SLC7A1: variants seen among roughly 807,000 people sequenced by gnomAD.
SLC7A1 encodes the protein high affinity cationic amino acid transporter 1.
In SLC7A1, 10 loss-of-function variants were observed where a neutral mutation model predicts 53.9. The ratio of observed to expected loss-of-function variants is 0.19; its 90% CI spans 0.11 to 0.31. The LOEUF (loss-of-function observed/expected upper bound fraction) is 0.31. Among genes scored for constraint, SLC7A1 ranks in the 10% least tolerant of loss-of-function variants. The pLI is 1.00. For synonymous variants in SLC7A1, 342 were observed against 338.7 expected (o/e 1.01, Z -0.11); for missense variants, 525 against 827.2 (o/e 0.63, Z 4.48).
chr13:29,523,662 G>T (rs1314820186), intron 6 of SLC7A1, among the ~76,000 whole-genome samples, 174 bp from the exon 7 acceptor site: 2 of 152,212 alleles, frequency 1.3e-5, no homozygotes, highest in Non-Finnish European at 2.9e-5. Context: ...GAGCAGAGGG[G>T]TGGTGCTCAG....
At position 29,522,418 on chromosome 13, in the gene SLC7A1, T is replaced by C; in HGVS notation, c.1088A>G (p.Tyr363Cys). The change falls in exon 8 of 13, where the codon TAT (tyrosine) becomes TGT (cysteine). Residue 363 changes from tyrosine (Y) to cysteine (C), a missense_variant. Physicochemically the swap from Tyr to Cys is radical, Grantham distance 194. Transcript: ENST00000380752. ...TAGCAGTCCATCCTCAGCCATGGCATAGATAACCCGAGGCATGGGAAACAT... is the reference window on the plus strand; with the variant it reads ...TAGCAGTCCATCCTCAGCCATGGCACAGATAACCCGAGGCATGGGAAACAT... Reference protein sequence around the residue: ...GSMFPMPRVIYAMAEDGLLFK... With the variant: ...GSMFPMPRVICAMAEDGLLFK... The C allele has an allele frequency of 1.2e-6, 2 of 1,614,160 alleles. No individual in the cohort carries two copies. Among genetic ancestry groups the C allele is most frequent in the Non-Finnish European group, 1.7e-6 (2 of 1,179,998 alleles).
At position 29,522,345 on chromosome 13, in the gene SLC7A1, G is replaced by A. The variant is rs377527629; in HGVS notation, c.1161C>T (p.Ile387=). ...CAACGGCACCCGAGGCTAATGTGGCGATTATTGGTGTTTTGGTCCTATCAT... is the reference window on the plus strand; with the variant it reads ...CAACGGCACCCGAGGCTAATGTGGCAATTATTGGTGTTTTGGTCCTATCAT... The part of the protein sequence containing the change: ...NVNDRTKTPI[I]ATLASGAVAA... The change falls in exon 8 of 13, where the codon ATC becomes ATT. Residue 387 remains isoleucine (I), a synonymous_variant. Coordinates refer to ENST00000380752, the MANE Select transcript of SLC7A1 (RefSeq NM_003045.5). 23 of 1,614,202 alleles carry A rather than the reference G, an allele frequency of 1.4e-5. No homozygotes were observed. The highest frequency in any genetic ancestry group is 4.5e-5 in the East Asian group (2 of 44,886).
At chr13:29,594,993 T>A (rs1384987977) in intron 1 of SLC7A1, among the ~76,000 whole-genome samples, 1 of 151,638 alleles carries the variant, frequency 6.6e-6, no homozygotes, top group Non-Finnish European at 1.5e-5. Flanking sequence ...AGGGAAGGTC[T>A]CCTCGCCGCC....
At chr13:29,566,637 T>C (rs1746919806) in intron 1 of SLC7A1, among the ~76,000 whole-genome samples, 1 of 152,162 alleles carries the variant, frequency 6.6e-6, no homozygotes, top group Non-Finnish European at 1.5e-5. Flanking sequence ...TGTTAATGGG[T>C]ACGAGTTTCC....
chr13:29,572,174 C>T (rs967906660), intron 1 of SLC7A1, among the ~76,000 whole-genome samples: 10 of 152,220 alleles, frequency 6.6e-5, no homozygotes, highest in African/African-American at 2.4e-4. Flanking sequence ...GGGTCCCAAG[C>T]ACGACTCCAA....
At chr13:29,524,845 A>G (rs888917097) in intron 5 of SLC7A1, among the ~76,000 whole-genome samples, 2 of 152,232 alleles carry the variant, frequency 1.3e-5, no homozygotes, top group Admixed American at 1.3e-4. Context: ...GGCTCAGCAC[A>G]TCTTTGCTAC....
intron 2 of SLC7A1, among the ~76,000 whole-genome samples, chr13:29,551,819 C>A (rs1194515771): frequency 6.6e-6 from 1 of 152,150 alleles, no homozygotes; most frequent in Non-Finnish European, 1.5e-5. Flanking sequence ...GAATGTCCTC[C>A]CACTTCCCTG....
intron 1 of SLC7A1, among the ~76,000 whole-genome samples, chr13:29,587,147 A>G (rs1217365246): frequency 6.6e-6 from 1 of 152,232 alleles, no homozygotes; most frequent in Non-Finnish European, 1.5e-5. Context: ...CACACATAAC[A>G]TAGACTTACA....
intron 1 of SLC7A1, chr13:29,586,658 T>C (rs1323863133): frequency 1.3e-5 from 2 of 152,050 alleles, no homozygotes; most frequent in Non-Finnish European, 2.9e-5. Context: ...CATCATTAAA[T>C]AGAACGTTAG....
At chr13:29,573,172 TA>T (rs1476424468) in intron 1 of SLC7A1, among the ~76,000 whole-genome samples, 1 of 152,206 alleles carries the variant, frequency 6.6e-6, no homozygotes, top group Admixed American at 6.5e-5. Context: ...TGATGACATA[TA>T]TCTGATAAAA....
intron 5 of SLC7A1, 70 bp from the exon 6 acceptor site, chr13:29,524,323 T>C: frequency 1.9e-6 from 3 of 1,595,082 alleles, no homozygotes; most frequent in Non-Finnish European, 1.7e-6. Context: ...GCTGTGCTCA[T>C]CTCCTGATAT....
intron 11 of SLC7A1, 123 bp downstream of exon 11, chr13:29,517,021 G>T (rs1883577042): frequency 1.2e-6 from 1 of 866,702 alleles, no homozygotes; most frequent in Non-Finnish European, 1.7e-6. Context: ...CTTACCTGAA[G>T]CTGGCTAGCA....
chr13:29,554,761 C>T (rs1326356717), intron 1 of SLC7A1, among the ~76,000 whole-genome samples: 1 of 152,198 alleles, frequency 6.6e-6, no homozygotes, highest in African/African-American at 2.4e-5. Context: ...ACTTAGACAG[C>T]AGCAAACCAG....
intron 2 of SLC7A1, among the ~76,000 whole-genome samples, chr13:29,542,403 C>T (rs189600334): frequency 4.7e-4 from 71 of 152,158 alleles, no homozygotes; most frequent in Admixed American, 3.1e-3. Context: ...TACAGTGAGC[C>T]GAGATCACGC....
chr13:29,540,732 G>A (rs972299129), intron 2 of SLC7A1, among the ~76,000 whole-genome samples: 2 of 152,176 alleles, frequency 1.3e-5, no homozygotes, highest in Non-Finnish European at 2.9e-5. Context: ...GTGGCCTTCA[G>A]AATGGCCAGG....
intron 2 of SLC7A1, among the ~76,000 whole-genome samples, chr13:29,552,165 G>C (rs1459739941): frequency 6.6e-6 from 1 of 151,646 alleles, no homozygotes; most frequent in Non-Finnish European, 1.5e-5. Context: ...GATATGAACT[G>C]CCTCAAATGA....
At chr13:29,577,647 G>A (rs1007130339) in intron 1 of SLC7A1, among the ~76,000 whole-genome samples, 1 of 152,214 alleles carries the variant, frequency 6.6e-6, no homozygotes, top group African/African-American at 2.4e-5. Context: ...AGCTCTGACG[G>A]GCCTCTTGGC....
chr13:29,528,621 G>GA (rs59505234), intron 5 of SLC7A1, among the ~76,000 whole-genome samples: 20 of 149,060 alleles, frequency 1.3e-4, no homozygotes, highest in Admixed American at 2.7e-4. Flanking sequence ...GCTACGGCTG[G>GA]AAAAAAAAAA....
Position 29,514,167 on chromosome 13 carries a change from T to C in SLC7A1, c.*313A>G. On this transcript the variant is annotated 3_prime_UTR_variant, in exon 13 of 13. Coordinates refer to ENST00000380752, the MANE Select transcript of SLC7A1 (RefSeq NM_003045.5). ...GAGAGAAGGTGACCTCCGTTCTGCC[T>C]GAGGCTGCGGCAGCTCGGGGCTGAG... 2.8e-6 allele frequency: 1 copy of C among 361,274 alleles called. No individual in the cohort carries two copies. The highest frequency in any genetic ancestry group is 5.1e-6 in the Non-Finnish European group (1 of 195,068). The allele number at this position is 361,274 out of a possible 1,614,324, so 22.4% of individuals were successfully genotyped here.
Sources: allele counts gnomAD v4.1 joint callset (sites outside exome capture counted in the v4.1 genomes callset), GRCh38; gene constraint gnomAD v4.1.1; transcripts MANE v1.5; gene names NCBI Gene and HGNC (gene_info 2026-07-23, HGNC 2026-07-21).